Variants in FARS2 observed in about 807,000 individuals in gnomAD.
The protein encoded by FARS2 is phenylalanine--tRNA ligase, mitochondrial.
A neutral mutation model predicts 46.4 loss-of-function variants in FARS2; 40 were observed. The ratio of observed to expected loss-of-function variants is 0.86; its 90% CI spans 0.67 to 1.12. FARS2 has a LOEUF of 1.12. Among genes scored for constraint, FARS2 ranks in the 50% most tolerant of loss-of-function variants. The pLI, the probability that FARS2 is intolerant of heterozygous loss-of-function variation, is 0.00. For missense variants in FARS2, 513 were observed against 567.9 expected, an observed-to-expected ratio of 0.90 and a Z score of 0.98; for synonymous variants, 234 against 214.9, an observed-to-expected ratio of 1.09 and a Z score of -0.78.
intron 6 of FARS2, among the ~76,000 whole-genome samples, chr6:5,709,751 C>T (rs952481740): frequency 1.0e-4 from 15 of 149,716 alleles, no homozygotes; most frequent in South Asian, 4.3e-4. Flanking sequence ...TGTGTGCGCG[C>T]GCGCGTGTGT....
rs1374506946 is a variant in FARS2 at position 5,399,482 on chromosome 6, C to T, written c.613-5060C>T. 2.6e-5 allele frequency among the ~76,000 whole-genome samples: 4 copies of T among 151,902 alleles called. No homozygotes were observed. In the South Asian group the frequency reaches 8.3e-4, roughly 31 times the overall value. On this transcript the variant is annotated intron_variant, in intron 2 of 6. Transcript: ENST00000274680. The stretch of plus-strand genomic sequence containing the variant: ...TCAGGATTTTATTTTTAATGTTTTG[C>T]GTAGATAAAGTATTAACGTCCTTCT...
chr6:5,590,748 T>C (rs1417453706), intron 5 of FARS2, among the ~76,000 whole-genome samples: 1 of 152,236 alleles, frequency 6.6e-6, no homozygotes, highest in Non-Finnish European at 1.5e-5. Flanking sequence ...AGGGAAGAGA[T>C]ATTTTGCTCC....
chr6:5,572,589 C>T (rs1217680826), intron 5 of FARS2, among the ~76,000 whole-genome samples: 2 of 152,104 alleles, frequency 1.3e-5, no homozygotes, highest in South Asian at 2.1e-4. Context: ...GTTTGTGCCA[C>T]AGCTTCCTTG....
chr6:5,432,991 T>C (rs1763317053), intron 4 of FARS2, among the ~76,000 whole-genome samples: 1 of 152,120 alleles, frequency 6.6e-6, no homozygotes, highest in African/African-American at 2.4e-5. Flanking sequence ...TTCTTCATCC[T>C]GCTGAGGAAG....
intron 1 of FARS2, among the ~76,000 whole-genome samples, chr6:5,306,046 C>A (rs1768679048): frequency 6.6e-6 from 1 of 152,034 alleles, no homozygotes; most frequent in South Asian, 2.1e-4. Context: ...GTATTTGATA[C>A]AATTGTGATC....
intron 5 of FARS2, among the ~76,000 whole-genome samples, chr6:5,562,693 T>TACACACACACACAC (rs1491167694): frequency 1.0e-5 from 1 of 99,334 alleles, no homozygotes; most frequent in Non-Finnish European, 1.9e-5. Flanking sequence ...CACTGTAATT[T>TACACACACACACAC]ATACACACAC....
At chr6:5,277,300 G>A (rs1010013523) in intron 1 of FARS2, among the ~76,000 whole-genome samples, 5 of 151,422 alleles carry the variant, frequency 3.3e-5, no homozygotes, top group African/African-American at 9.7e-5. Flanking sequence ...ATTAAATAAA[G>A]TAGCAGCTTA....
Position 5,688,495 on chromosome 6 carries a change from G to T in FARS2, c.1217+75175G>T, listed in dbSNP as rs550648399. On this transcript the variant is annotated intron_variant, in intron 6 of 6. Coordinates refer to ENST00000274680, the MANE Select transcript of FARS2 (RefSeq NM_006567.5). ...TGTCTTTGGTTCTGTTTATATGCTG[G>T]ATTACGTTTATCGATTTGCGTATGT... Among the ~76,000 whole-genome samples, 5 of 152,294 alleles carry T rather than the reference G, an allele frequency of 3.3e-5. No individual in the cohort carries two copies. In the South Asian group the frequency reaches 1.0e-3, roughly 32 times the overall value.
At chr6:5,606,413 G>A (rs941585384) in intron 5 of FARS2, among the ~76,000 whole-genome samples, 3 of 151,830 alleles carry the variant, frequency 2.0e-5, no homozygotes, top group Admixed American at 6.6e-5. Flanking sequence ...CTAGAATTTT[G>A]TGTCCTACCA....
chr6:5,693,829 C>A (rs1358175580), intron 6 of FARS2, among the ~76,000 whole-genome samples: 1 of 152,152 alleles, frequency 6.6e-6, no homozygotes. Context: ...GCCTGGCCTT[C>A]CTTACTGCAG....
chr6:5,533,048 C>T lies in FARS2; in HGVS notation c.905-12132C>T, dbSNP rs572055119. 3.9e-5 allele frequency among the ~76,000 whole-genome samples: 6 copies of T among 152,074 alleles called. No individual in the cohort carries two copies. The South Asian group carries it at 1.2e-3, about 32-fold the overall frequency. ...AGGATGCAGGGGCTGTTTGCATTTC[C>T]AGAGCTCAGTCATTGGGGAGGAAAA... is the stretch of plus-strand genomic sequence containing the variant. On this transcript the variant is annotated intron_variant, in intron 4 of 6. Transcript: ENST00000274680.
intron 6 of FARS2, among the ~76,000 whole-genome samples, chr6:5,703,393 C>T (rs1758559071): frequency 6.6e-6 from 1 of 152,072 alleles, no homozygotes. Flanking sequence ...CCCTAGTGGT[C>T]TCTGTGGGCT....
At chr6:5,438,657 T>C (rs534649381) in intron 4 of FARS2, among the ~76,000 whole-genome samples, 1 of 152,324 alleles carries the variant, frequency 6.6e-6, no homozygotes, top group South Asian at 2.1e-4. Flanking sequence ...ATGTTGAATA[T>C]CCATTATCCA....
chr6:5,485,591 C>T (rs1236096417), intron 4 of FARS2, among the ~76,000 whole-genome samples: 1 of 152,174 alleles, frequency 6.6e-6, no homozygotes, highest in African/African-American at 2.4e-5. Context: ...CTGTAAAGAG[C>T]CTGATAGTAA....
intron 6 of FARS2, among the ~76,000 whole-genome samples, chr6:5,756,337 A>G (rs1762203612): frequency 6.6e-6 from 1 of 152,194 alleles, no homozygotes; most frequent in Non-Finnish European, 1.5e-5. Flanking sequence ...TCATTCTCAC[A>G]CTGCTATGAA....
intron 1 of FARS2, among the ~76,000 whole-genome samples, chr6:5,297,965 A>T (rs1768012755): frequency 6.6e-6 from 1 of 152,252 alleles, no homozygotes; most frequent in South Asian, 2.1e-4. Flanking sequence ...AAGCAACAGT[A>T]TCTAAAGCTG....
chr6:5,383,024 A>G (rs1759887102), intron 2 of FARS2, among the ~76,000 whole-genome samples: 1 of 152,216 alleles, frequency 6.6e-6, no homozygotes, highest in Non-Finnish European at 1.5e-5. Flanking sequence ...TGCCTGTTCA[A>G]GTATTAATCT....
intron 5 of FARS2, chr6:5,609,822 C>G: frequency 8.7e-7 from 1 of 1,156,004 alleles, no homozygotes; most frequent in Non-Finnish European, 1.3e-6. Flanking sequence ...TCAAAATAAT[C>G]TCTTCAAAAT....
rs1763049857 is a variant in FARS2, at chr6:5,771,523, C to A, written c.*94C>A. The stretch of plus-strand genomic sequence containing the variant: ...GTTTGTGAACTGGGGCATCAATCAT[C>A]TTTTGATAAATGGATCAGTTTTAGG... On this transcript the variant is annotated 3_prime_UTR_variant, in exon 7 of 7. Transcript: ENST00000274680. 4 of 1,336,674 alleles carry A rather than the reference C, an allele frequency of 3.0e-6. No individual in the cohort carries two copies. The highest frequency in any genetic ancestry group is 2.8e-5 in the South Asian group (2 of 71,036). 82.8% of individuals were successfully genotyped at this position (1,336,674 alleles called of 1,614,324 possible).
Sources: allele counts gnomAD v4.1 joint callset (sites outside exome capture counted in the v4.1 genomes callset), GRCh38; gene constraint gnomAD v4.1.1; transcripts MANE v1.5; gene names NCBI Gene and HGNC (gene_info 2026-07-23, HGNC 2026-07-21).